The following TRIM44 variants were observed in gnomAD, a reference collection of about 807,000 sequenced individuals.
The protein encoded by TRIM44 is tripartite motif containing 44.
A neutral mutation model predicts 37.4 loss-of-function variants in TRIM44; 13 were observed. The observed-to-expected ratio is 0.35, with a 90% CI of 0.23 to 0.55. The LOEUF is 0.55. Ranked by LOEUF, TRIM44 falls within the 20% of genes least tolerant of loss-of-function variation. The pLI, the probability that TRIM44 is intolerant of heterozygous loss-of-function variation, is 0.89. For missense variants in TRIM44, 426 were observed against 437.2 expected, an observed-to-expected ratio of 0.97 and a Z score of 0.23; for synonymous variants, 175 against 157.2, an observed-to-expected ratio of 1.11 and a Z score of -0.85.
intron 2 of TRIM44, among the ~76,000 whole-genome samples, chr11:35,697,799 C>T (rs1287747447): frequency 3.3e-5 from 5 of 152,056 alleles, no homozygotes; most frequent in Non-Finnish European, 7.4e-5. Flanking sequence ...TTTTTTATGG[C>T]TGCATAGTAT....
At chr11:35,769,316 A>G (rs1019729825) in intron 4 of TRIM44, among the ~76,000 whole-genome samples, 3 of 151,956 alleles carry the variant, frequency 2.0e-5, no homozygotes, top group African/African-American at 7.3e-5. Flanking sequence ...TTATGTTGTT[A>G]TTTTATGTCT....
At chr11:35,803,789 A>G (rs549585578) in intron 4 of TRIM44, among the ~76,000 whole-genome samples, 51 of 152,304 alleles carry the variant, frequency 3.3e-4, no homozygotes, top group African/African-American at 1.1e-3. Context: ...TTTATATACA[A>G]AGTGAAGCAA....
intron 4 of TRIM44, among the ~76,000 whole-genome samples, chr11:35,751,655 C>CTA (rs1409976144): frequency 3.3e-5 from 5 of 152,062 alleles, no homozygotes; most frequent in African/African-American, 1.2e-4. Context: ...GCGTAAAGTG[C>CTA]TAAACAAGTG....
intron 1 of TRIM44, among the ~76,000 whole-genome samples, chr11:35,674,235 C>CTTGTGTGTGTGT (rs1554924870): frequency 6.7e-6 from 1 of 149,880 alleles, no homozygotes; most frequent in Non-Finnish European, 1.5e-5. Context: ...AGAGAATTTG[C>CTTGTGTGTGTGT]GTGTGTGTGT....
intron 4 of TRIM44, among the ~76,000 whole-genome samples, chr11:35,796,285 A>C (rs532063318): frequency 6.6e-6 from 1 of 152,340 alleles, no homozygotes; most frequent in African/African-American, 2.4e-5. Flanking sequence ...ACACTTGTGC[A>C]TGCACACATA....
intron 4 of TRIM44, among the ~76,000 whole-genome samples, chr11:35,744,615 T>G (rs1238699255): frequency 6.6e-6 from 1 of 152,176 alleles, no homozygotes; most frequent in African/African-American, 2.4e-5. Context: ...GCAGGTTTGT[T>G]ACATAGGTAA....
rs1252896531 is a variant in TRIM44, at chr11:35,662,820, G to C, written c.-292G>C. 1.4e-5 allele frequency: 4 copies of C among 279,590 alleles called. No homozygotes were observed. The East Asian group carries it at 2.7e-4, about 19-fold the overall frequency. The allele number at this position is 279,590 out of a possible 1,614,324, so 17.3% of individuals were successfully genotyped here. A position where few individuals can be genotyped will look rare whatever the true frequency, so the allele number is the denominator to read the frequency against. The stretch of plus-strand genomic sequence containing the variant: ...CCTGGTAGCGGGAGGCTGAGCGGGC[G>C]GCGCGACGCGGGGGCCGACGGGGGC... On this transcript the variant is annotated 5_prime_UTR_variant, in exon 1 of 5. Transcript: ENST00000299413.
At chr11:35,693,072 G>T (rs1388211262) in intron 2 of TRIM44, among the ~76,000 whole-genome samples, 1 of 152,126 alleles carries the variant, frequency 6.6e-6, no homozygotes, top group Non-Finnish European at 1.5e-5. Context: ...GAACAAATTG[G>T]TAGACAATAA....
intron 4 of TRIM44, among the ~76,000 whole-genome samples, chr11:35,764,186 T>C (rs568933461): frequency 9.2e-5 from 14 of 152,322 alleles, no homozygotes; most frequent in Admixed American, 2.6e-4. Flanking sequence ...GGTCCCTCTT[T>C]GTTGTACAGA....
intron 2 of TRIM44, among the ~76,000 whole-genome samples, chr11:35,700,296 A>C (rs992737608): frequency 6.6e-6 from 1 of 152,200 alleles, no homozygotes; most frequent in Non-Finnish European, 1.5e-5. Context: ...AGGTGTTCAC[A>C]CACAGAATTT....
At chr11:35,676,298 A>G (rs7103188) in intron 1 of TRIM44, among the ~76,000 whole-genome samples, 16,931 of 152,254 alleles carry the variant, frequency 0.11, 1,195 homozygotes, top group Non-Finnish European at 0.16. Flanking sequence ...CTAAGGTTCT[A>G]TTCTGAGTTC....
chr11:35,755,736 TC>T (rs1437121360), intron 4 of TRIM44, among the ~76,000 whole-genome samples: 2 of 152,186 alleles, frequency 1.3e-5, no homozygotes, highest in African/African-American at 4.8e-5. Flanking sequence ...TATCCAGTTT[TC>T]CCAGCACCAT....
chr11:35,667,955 A>C (rs1242741930), intron 1 of TRIM44, among the ~76,000 whole-genome samples: 1 of 152,112 alleles, frequency 6.6e-6, no homozygotes, highest in Non-Finnish European at 1.5e-5. Flanking sequence ...TTTTGCTATC[A>C]AAGTTTGGCT....
At chr11:35,683,494 T>C (rs765838121) in intron 1 of TRIM44, among the ~76,000 whole-genome samples, 14 of 152,170 alleles carry the variant, frequency 9.2e-5, no homozygotes, top group African/African-American at 2.9e-4. Flanking sequence ...TTTGGAGGAA[T>C]TGAAATTAGT....
In TRIM44 at chr11:35,815,209, G is replaced by C. The variant is rs1307015338; in HGVS notation, c.*8824G>C. 2 of 152,170 alleles carry C rather than the reference G, an allele frequency of 1.3e-5. No homozygotes were observed. Among genetic ancestry groups the C allele is most frequent in the African/African-American group, 4.8e-5 (2 of 41,460 alleles). 9.4% of individuals were successfully genotyped at this position (152,170 alleles called of 1,614,324 possible). On this transcript the variant is annotated 3_prime_UTR_variant, in exon 5 of 5. Coordinates refer to ENST00000299413, the MANE Select transcript of TRIM44 (RefSeq NM_017583.6). ...GTCCAAGTATGGTTCTCTGGCTTGA[G>C]GGTGGCCATTTGTTGCCTCACTGTT...
intron 4 of TRIM44, among the ~76,000 whole-genome samples, chr11:35,762,523 C>T (rs1436837086): frequency 1.3e-5 from 2 of 152,152 alleles, no homozygotes; most frequent in East Asian, 3.9e-4. Context: ...TGAGCCTTGA[C>T]TAGGTGCTTG....
In TRIM44 at chr11:35,808,928, G is replaced by C. The variant is rs184216022; in HGVS notation, c.*2543G>C. 1 of 152,360 alleles carries C rather than the reference G, an allele frequency of 6.6e-6. No homozygotes were observed. The highest frequency in any genetic ancestry group is 1.9e-4 in the East Asian group (1 of 5,178). The allele number at this position is 152,360 out of a possible 1,614,324, so 9.4% of individuals were successfully genotyped here. ...AGGTCAGTAAAAGTTAGAGAGCTCA[G>C]AATTGGGTCTTGCCTGGGTGCAGGT... On this transcript the variant is annotated 3_prime_UTR_variant, in exon 5 of 5. Transcript: ENST00000299413.
Position 35,738,482 on chromosome 11 carries a change from G to C in TRIM44, c.1007+3037G>C, listed in dbSNP as rs542915168. The stretch of plus-strand genomic sequence containing the variant: ...TTGGTACAATAAGTACCAAAAATAA[G>C]TGCATGTTCTGATTTGTCAGAAAGG... On this transcript the variant is annotated intron_variant, in intron 4 of 4. Coordinates refer to ENST00000299413, the MANE Select transcript of TRIM44 (RefSeq NM_017583.6). Among the ~76,000 whole-genome samples, 43 of 152,228 alleles carry C rather than the reference G, an allele frequency of 2.8e-4. 2 individuals carry two copies. The South Asian group carries it at 5.2e-3, about 18-fold the overall frequency.
At chr11:35,699,948 G>C (rs986463374) in intron 2 of TRIM44, among the ~76,000 whole-genome samples, 12 of 152,108 alleles carry the variant, frequency 7.9e-5, no homozygotes, top group South Asian at 2.1e-4. Flanking sequence ...TGAAATAAAA[G>C]AGGATACAAA....
Sources: allele counts gnomAD v4.1 joint callset (sites outside exome capture counted in the v4.1 genomes callset), GRCh38; gene constraint gnomAD v4.1.1; transcripts MANE v1.5; gene names NCBI Gene and HGNC (gene_info 2026-07-23, HGNC 2026-07-21).